Variants in CHIT1 observed in about 807,000 individuals in gnomAD.
The protein encoded by CHIT1 is chitinase 1, also known as chitotriosidase-1.
Under a neutral mutation model 52.0 loss-of-function variants are expected in CHIT1, and 47 were observed. The ratio of observed to expected loss-of-function variants is 0.90; its 90% CI spans 0.71 to 1.15. CHIT1 has a LOEUF of 1.15. Ranked by LOEUF, CHIT1 falls within the 50% of genes most tolerant of loss-of-function variation. The pLI, the probability that CHIT1 is intolerant of heterozygous loss-of-function variation, is 0.00. For missense variants in CHIT1, 569 were observed against 583.0 expected (o/e 0.98, Z 0.25); for synonymous variants, 242 against 228.2 (o/e 1.06, Z -0.54).
At chr1:203,227,889 C>G (rs1203127483) in intron 2 of CHIT1, among the ~76,000 whole-genome samples, 3 of 152,194 alleles carry the variant, frequency 2.0e-5, no homozygotes, top group Non-Finnish European at 2.9e-5. Context: ...GTGAGAGGCA[C>G]AGTCGCAGGA....
At chr1:203,217,390 T>G in intron 10 of CHIT1, 1 of 1,492,664 alleles carries the variant, frequency 6.7e-7, no homozygotes. Context: ...CACAACCATA[T>G]ACTGCTGAGG....
intron 7 of CHIT1, among the ~76,000 whole-genome samples, chr1:203,221,888 G>A (rs1431062473): frequency 1.3e-5 from 2 of 152,136 alleles, no homozygotes; most frequent in African/African-American, 4.8e-5. Context: ...GTGGGGGTGT[G>A]TGAGGGAAGC....
chr1:203,220,064 G>T (rs1028424824), intron 7 of CHIT1, among the ~76,000 whole-genome samples: 1 of 152,168 alleles, frequency 6.6e-6, no homozygotes, highest in Admixed American at 6.5e-5. Flanking sequence ...TAACCAGAGA[G>T]CGTGGGCTTC....
chr1:203,229,537 G>A, intron 1 of CHIT1, 75 bp downstream of exon 1: 3 of 1,552,194 alleles, frequency 1.9e-6, no homozygotes, highest in South Asian at 1.1e-5. Context: ...GCAAATGGTA[G>A]CAAGTGGTCC....
rs774336439 is a variant in CHIT1 at position 203,217,134 on chromosome 1, C to T, written c.1157-1G>A. 5.2e-5 allele frequency: 83 copies of T among 1,603,554 alleles called. 1 individual carries two copies. The South Asian group carries it at 8.1e-4, about 16-fold the overall frequency. On this transcript the variant is annotated splice_acceptor_variant, in intron 10 of 10. Coordinates refer to ENST00000367229, the MANE Select transcript of CHIT1 (RefSeq NM_003465.3). LOFTEE classifies it high-confidence loss of function. ...GTGCCTGAAGGCAAGTATGGAAGAC[C>T]TGGGAAGACAGTGAAGATTCAACCA...
intron 2 of CHIT1, among the ~76,000 whole-genome samples, chr1:203,227,004 G>A (rs996082257): frequency 5.3e-4 from 80 of 152,284 alleles, no homozygotes; most frequent in African/African-American, 1.8e-3. Context: ...GGACTGGAGC[G>A]TGCCTGTGGC....
At chr1:203,218,025 T>G (rs1001685921) in intron 9 of CHIT1, 160 bp from the exon 10 acceptor site, 1 of 1,533,508 alleles carries the variant, frequency 6.5e-7, no homozygotes, top group African/African-American at 1.4e-5. Flanking sequence ...GGAGCCTGGA[T>G]GCTGAGTCCT....
chr1:203,220,531 G>C (rs1656697649), intron 7 of CHIT1, among the ~76,000 whole-genome samples: 1 of 152,080 alleles, frequency 6.6e-6, no homozygotes, highest in Admixed American at 6.5e-5. Flanking sequence ...ACACCCCCAG[G>C]CCTGTGACGG....
intron 8 of CHIT1, 167 bp from the exon 9 acceptor site, chr1:203,219,496 C>G: frequency 1.0e-6 from 1 of 960,106 alleles, no homozygotes; most frequent in South Asian, 1.3e-5. Flanking sequence ...GCTTGAGGCA[C>G]CTGGGCTTAA....
rs750091774 is a variant in CHIT1 at position 203,225,743 on chromosome 1, C to T, written c.183G>A (p.Met61Ile). 1.9e-5 allele frequency: 31 copies of T among 1,614,056 alleles called. No individual in the cohort carries two copies. Among genetic ancestry groups the T allele is most frequent in the Non-Finnish European group, 2.6e-5 (31 of 1,180,038 alleles). ...CAGTGGTGCTCAGCTGGTGGTTGGT[C>T]ATGCCAGCGAAGGCGTAGATGAGGT... ...CTHLIYAFAG[M>I]TNHQLSTTEW... The change falls in exon 3 of 11, where the codon ATG (methionine) becomes ATA (isoleucine). Residue 61 changes from methionine to isoleucine, a missense_variant. Met to Ile is a conservative substitution (Grantham distance 10). Coordinates refer to ENST00000367229, the MANE Select transcript of CHIT1 (RefSeq NM_003465.3).
chr1:203,222,792 G>A (rs2486962), intron 6 of CHIT1, among the ~76,000 whole-genome samples: 80,719 of 151,756 alleles, frequency 0.53, 22,222 homozygotes, highest in East Asian at 0.93. Flanking sequence ...GTACTTTGAG[G>A]AGCAAGGATC....
Position 203,216,158 on chromosome 1 carries a change from GAATT to G in CHIT1, c.*727_*730del, listed in dbSNP as rs1448270233. 2.2e-6 allele frequency: 1 copy of G among 454,050 alleles called. No homozygotes were observed. The highest frequency in any genetic ancestry group is 4.4e-6 in the Non-Finnish European group (1 of 226,814). The allele number at this position is 454,050 out of a possible 1,614,324, so 28.1% of individuals were successfully genotyped here. The stretch of plus-strand genomic sequence containing the variant: ...ATTTCAGGCCTTGGTTCTGGACTCA[GAATT>G]GGTTAGAATCAGTCTTCAGTTTAAA... On this transcript the variant is annotated 3_prime_UTR_variant, in exon 11 of 11. Coordinates refer to ENST00000367229, the MANE Select transcript of CHIT1 (RefSeq NM_003465.3).
In CHIT1 at chr1:203,219,793, A is replaced by G; in HGVS notation, c.786T>C (p.Leu262=). ...AGGAGCGTCCGTAGGTAGGCATGCC[A>G]AGGATCAGCTTGCTGGCAGGGGTCC... The part of the protein sequence containing the change: ...QKGTPASKLI[L]GMPTYGRSFT... The change falls in exon 8 of 11, where the codon CTT becomes CTC. Residue 262 remains leucine (L), a synonymous_variant. Transcript: ENST00000367229. 6.2e-7 allele frequency: 1 copy of G among 1,613,006 alleles called. No individual in the cohort carries two copies. The highest frequency in any genetic ancestry group is 8.5e-7 in the Non-Finnish European group (1 of 1,179,894).
chr1:203,217,246 A>G, intron 10 of CHIT1, 113 bp from the exon 11 acceptor site: 1 of 1,586,000 alleles, frequency 6.3e-7, no homozygotes, highest in South Asian at 1.1e-5. Flanking sequence ...CACATGCCCT[A>G]CAGGCTGAGT....
chr1:203,219,452 A>T (rs1337147993), intron 8 of CHIT1, 123 bp from the exon 9 acceptor site: 2 of 871,322 alleles, frequency 2.3e-6, no homozygotes, highest in Non-Finnish European at 3.9e-6. Context: ...GAGAATCAGG[A>T]GGTTCTTTGC....
At position 203,225,707 on chromosome 1, in the gene CHIT1, G is replaced by A. The variant is rs1330040380; in HGVS notation, c.219C>T (p.Asp73=). ...CATTGAACTCCTGGTAGAGAGTCTC[G>A]TCATTCCACTCAGTGGTGCTCAGCT... ...NHQLSTTEWN[D]ETLYQEFNGL... The change falls in exon 3 of 11, where the codon GAC becomes GAT. Residue 73 remains aspartate, a synonymous_variant. Coordinates refer to ENST00000367229, the MANE Select transcript of CHIT1 (RefSeq NM_003465.3). 12 of 1,613,964 alleles carry A rather than the reference G, an allele frequency of 7.4e-6. No individual in the cohort carries two copies. The highest frequency in any genetic ancestry group is 2.7e-5 in the African/African-American group (2 of 74,884).
In CHIT1 at chr1:203,219,745, G is replaced by A; in HGVS notation, c.834C>T (p.Asp278=). The change falls in exon 8 of 11, where the codon GAC becomes GAT. Residue 278 remains aspartate (D), a synonymous_variant. Coordinates refer to ENST00000367229, the MANE Select transcript of CHIT1 (RefSeq NM_003465.3). ...CTGTGGCTGGGGCCCCCACTCTGGT[G>A]TCTGATGAGGAGGCCAGTGTGAAGG... is the stretch of plus-strand genomic sequence containing the variant. ...GRSFTLASSS[D]TRVGAPATGS... 6.2e-7 allele frequency: 1 copy of A among 1,613,966 alleles called. No homozygotes were observed. The highest frequency in any genetic ancestry group is 8.5e-7 in the Non-Finnish European group (1 of 1,180,008).
chr1:203,216,990 G>T lies in CHIT1; in HGVS notation c.1300C>A (p.Arg434=). Residue 434 remains arginine, a synonymous_variant, in exon 11 of 11, where the codon CGG becomes AGG. Coordinates refer to ENST00000367229, the MANE Select transcript of CHIT1 (RefSeq NM_003465.3). ...ADGLYPNPRE[R]SSFYSCAAGR... ...GCTGCACAGCTGTAGAAGCTGGACC[G>T]TTCCCGAGGATTGGGATAGAGCCCA... is the stretch of plus-strand genomic sequence containing the variant. 1 of 1,614,178 alleles carries T rather than the reference G, an allele frequency of 6.2e-7. No individual in the cohort carries two copies. The highest frequency in any genetic ancestry group is 8.5e-7 in the Non-Finnish European group (1 of 1,179,996).
intron 10 of CHIT1, 160 bp from the exon 11 acceptor site, chr1:203,217,293 C>G: frequency 6.5e-7 from 1 of 1,546,266 alleles, no homozygotes; most frequent in Non-Finnish European, 8.7e-7. Flanking sequence ...AGCCAGACAA[C>G]AGCCATACCT....
Sources: gnomAD v4.1 joint callset for allele counts (sites outside exome capture counted in the v4.1 genomes callset) on GRCh38, gnomAD v4.1.1 for gene constraint, MANE v1.5 for transcripts, NCBI Gene and HGNC (gene_info 2026-07-23, HGNC 2026-07-21) for gene names.